Variants in ZNF184 observed in about 807,000 individuals in gnomAD.
ZNF184 encodes the protein zinc finger protein 184 (Kruppel-like).
Under a neutral mutation model 54.4 loss-of-function variants are expected in ZNF184, and 16 were observed. The observed-to-expected ratio is 0.29, with a 90% CI of 0.20 to 0.45. The LOEUF is 0.45. Ranked by LOEUF, ZNF184 falls within the 20% of genes least tolerant of loss-of-function variation. The pLI is 1.00. For synonymous variants in ZNF184, 254 were observed against 295.3 expected, an observed-to-expected ratio of 0.86 and a Z score of 1.43; for missense variants, 681 against 888.2, an observed-to-expected ratio of 0.77 and a Z score of 2.97.
the ZNF184 span, among the ~76,000 whole-genome samples, chr6:27,417,851 C>A: frequency 6.6e-6 from 1 of 152,168 alleles, no homozygotes; most frequent in Non-Finnish European, 1.5e-5. Flanking sequence ...ACTAATTCAA[C>A]TTATATGTAC....
At chr6:27,436,767 T>C in the ZNF184 span, among the ~76,000 whole-genome samples, 7 of 152,212 alleles carry the variant, frequency 4.6e-5, no homozygotes, top group African/African-American at 9.7e-5. Flanking sequence ...GTAAGCTCCT[T>C]GGAGAAAAGG....
chr6:27,432,962 C>T, the ZNF184 span, among the ~76,000 whole-genome samples: 3 of 152,210 alleles, frequency 2.0e-5, no homozygotes, highest in Admixed American at 6.5e-5. This position sits in a 1 kb window ranked among gnomAD's most constrained non-coding sequence, Gnocchi z 4.0. Context: ...GGAGAGACAA[C>T]CTGTGAATCT....
chr6:27,411,010 G>C, the ZNF184 span, among the ~76,000 whole-genome samples: 1 of 152,138 alleles, frequency 6.6e-6, no homozygotes, highest in Admixed American at 6.5e-5. Flanking sequence ...TGGTGTCTTT[G>C]TGCTACTACA....
At chr6:27,422,159 AG>A in the ZNF184 span, among the ~76,000 whole-genome samples, 73 of 43,706 alleles carry the variant, frequency 1.7e-3, 4 homozygotes, top group African/African-American at 2.4e-3. Context: ...AAAGAAAGAA[AG>A]AAAGAAAGAA....
the ZNF184 span, among the ~76,000 whole-genome samples, chr6:27,410,678 C>G: frequency 0.013 from 1,976 of 152,188 alleles, 23 homozygotes; most frequent in African/African-American, 0.033. Flanking sequence ...ACCACAGGTG[C>G]GCACCACCAC....
the ZNF184 span, among the ~76,000 whole-genome samples, chr6:27,412,025 G>T: frequency 6.6e-6 from 1 of 152,262 alleles, no homozygotes; most frequent in Non-Finnish European, 1.5e-5. Context: ...CAGTAGGCTG[G>T]CTGGGACCAC....
downstream of ZNF184, chr6:27,450,653 A>G (rs1581571782): frequency 2.6e-5 from 4 of 152,082 alleles, no homozygotes; most frequent in Admixed American, 2.6e-4. Context: ...GGTGACTCCA[A>G]TATGCAACCA....
At chr6:27,433,558 C>G in the ZNF184 span, among the ~76,000 whole-genome samples, 6 of 152,200 alleles carry the variant, frequency 3.9e-5, no homozygotes, top group African/African-American at 1.4e-4. Flanking sequence ...TTTGCTTATT[C>G]TAGATACCTC....
chr6:27,465,016 C>CAAAAAAAAAAAAAAAA (rs61602778), intron 3 of ZNF184, among the ~76,000 whole-genome samples: 7 of 48,918 alleles, frequency 1.4e-4, no homozygotes, highest in African/African-American at 6.9e-4. Flanking sequence ...GACTCTGTCT[C>CAAAAAAAAAAAAAAAA]AAAAAAAAAA....
the ZNF184 span, among the ~76,000 whole-genome samples, chr6:27,433,872 TCCTTCCTTCC>T: frequency 1.3e-5 from 2 of 150,318 alleles, no homozygotes; most frequent in African/African-American, 2.4e-5. Flanking sequence ...TCCTCTTTCT[TCCTTCCTTCC>T]CCTTCCTTCC....
rs777001312 is a variant in ZNF184, at chr6:27,451,670, G to A, written c.1889C>T (p.Ala630Val). Residue 630 changes from alanine to valine, a missense_variant, in exon 6 of 6, where the codon GCT becomes GTT. Transcript: ENST00000683788. ...TTCTGTGTGAGTTTTTTGATGTTGA[G>A]CAAGAGATGAACAATGTCGAAAGGC... ...GKAFRHCSSL[A>V]QHQKTHTEEK... is the part of the protein sequence containing the mutation. The A allele has an allele frequency of 1.7e-5, 27 of 1,613,960 alleles. No individual in the cohort carries two copies. In the East Asian group the frequency reaches 5.6e-4, roughly 33 times the overall value.
At chr6:27,409,068 GAGA>G in the ZNF184 span, among the ~76,000 whole-genome samples, 16 of 152,202 alleles carry the variant, frequency 1.1e-4, no homozygotes, top group African/African-American at 1.9e-4. Flanking sequence ...ATGTGAAAAT[GAGA>G]AGAAGTAACA....
the ZNF184 span, among the ~76,000 whole-genome samples, chr6:27,428,555 C>A: frequency 6.6e-6 from 1 of 152,186 alleles, no homozygotes. This position sits in a 1 kb window ranked among gnomAD's most constrained non-coding sequence, Gnocchi z 4.1. Flanking sequence ...CCAAACTCCA[C>A]TGGTAAATGG....
the ZNF184 span, among the ~76,000 whole-genome samples, chr6:27,424,956 T>TC: frequency 6.6e-6 from 1 of 152,114 alleles, no homozygotes; most frequent in African/African-American, 2.4e-5. Flanking sequence ...GGGCTGCAGG[T>TC]CCCGAGGCCT....
the ZNF184 span, among the ~76,000 whole-genome samples, chr6:27,411,567 A>C: frequency 6.6e-6 from 1 of 152,336 alleles, no homozygotes; most frequent in Admixed American, 6.5e-5. Flanking sequence ...AAAATAGCCT[A>C]TATCTTTAAT....
the ZNF184 span, among the ~76,000 whole-genome samples, chr6:27,413,690 C>T: frequency 2.0e-5 from 3 of 152,182 alleles, no homozygotes; most frequent in Admixed American, 1.3e-4. Flanking sequence ...AACCAAAATG[C>T]TACTATCATA....
chr6:27,455,634 T>A (rs1762834453), intron 5 of ZNF184, among the ~76,000 whole-genome samples: 1 of 152,110 alleles, frequency 6.6e-6, no homozygotes. Flanking sequence ...AAAGTATTCA[T>A]TGTTGGAGGC....
the ZNF184 span, among the ~76,000 whole-genome samples, chr6:27,445,383 C>T: frequency 6.6e-6 from 1 of 152,162 alleles, no homozygotes; most frequent in Non-Finnish European, 1.5e-5. Context: ...TGAATGTCTC[C>T]TCCAAAACTC....
chr6:27,416,245 G>A, the ZNF184 span, among the ~76,000 whole-genome samples: 1 of 152,310 alleles, frequency 6.6e-6, no homozygotes, highest in African/African-American at 2.4e-5. Context: ...TGAGAATGGT[G>A]ATGGCTGCCT....
Sources: gnomAD v4.1 joint callset for allele counts (sites outside exome capture counted in the v4.1 genomes callset) on GRCh38, gnomAD v4.1.1 for gene constraint, Gnocchi (gnomAD v3.1) non-coding constraint, MANE v1.5 for transcripts, NCBI Gene and HGNC (gene_info 2026-07-23, HGNC 2026-07-21) for gene names.